GRM7: variants seen among roughly 807,000 people sequenced by gnomAD.
The protein encoded by GRM7 is metabotropic glutamate receptor 7.
GRM7 carries 35 observed loss-of-function variants against 84.5 expected under a neutral mutation model. The observed-to-expected ratio is 0.41, with a 90% CI of 0.32 to 0.55. The LOEUF (loss-of-function observed/expected upper bound fraction) is 0.55, where lower values mean the gene tolerates loss of function less well. Among genes scored for constraint, GRM7 ranks in the 20% least tolerant of loss-of-function variants. The pLI, the probability that GRM7 is intolerant of heterozygous loss-of-function variation, is 0.19. For missense variants in GRM7, 1,003 were observed against 1,194.6 expected (o/e 0.84, Z 2.36); for synonymous variants, 487 against 455.1 (o/e 1.07, Z -0.89).
intron 4 of GRM7, among the ~76,000 whole-genome samples, chr3:7,369,202 A>G (rs1348374081): frequency 6.6e-6 from 1 of 152,090 alleles, no homozygotes; most frequent in African/African-American, 2.4e-5. Flanking sequence ...CTACAGGTGC[A>G]TGCTACTACA....
intron 2 of GRM7, among the ~76,000 whole-genome samples, chr3:7,267,630 G>C (rs908423596): frequency 1.3e-5 from 2 of 152,156 alleles, no homozygotes; most frequent in African/African-American, 4.8e-5. Flanking sequence ...GCTTTCATCA[G>C]GTGCTGATGC....
intron 2 of GRM7, among the ~76,000 whole-genome samples, chr3:7,284,285 C>T (rs990617090): frequency 4.6e-5 from 6 of 131,052 alleles, no homozygotes; most frequent in African/African-American, 1.5e-4. Flanking sequence ...CATGCTCACT[C>T]GTGTGTGTGT....
chr3:7,739,754 A>T (rs1352861935), intron 9 of GRM7, among the ~76,000 whole-genome samples: 1 of 152,232 alleles, frequency 6.6e-6, no homozygotes, highest in Non-Finnish European at 1.5e-5. Flanking sequence ...ACATTTAGGG[A>T]AAACAAATGT....
At chr3:7,235,768 A>C (rs914091609) in intron 2 of GRM7, among the ~76,000 whole-genome samples, 5 of 152,354 alleles carry the variant, frequency 3.3e-5, no homozygotes, top group African/African-American at 1.2e-4. Context: ...TATAACATAC[A>C]TATAATTTTT....
chr3:7,419,242 T>C (rs1696297700), intron 5 of GRM7, among the ~76,000 whole-genome samples: 1 of 152,206 alleles, frequency 6.6e-6, no homozygotes. Flanking sequence ...TGCAATGTTA[T>C]GCTATGAGTG....
rs1189479029 is a variant in GRM7 at position 7,486,442 on chromosome 3, G to A, written c.1515+24720G>A. Among the ~76,000 whole-genome samples the A allele has an allele frequency of 6.6e-6, 1 of 152,152 alleles. No homozygotes were observed. Among genetic ancestry groups the A allele is most frequent in the East Asian group, 1.9e-4 (1 of 5,172 alleles). ...CAGTGTTGGGAGATGATACCATTGA[G>A]AGGCAATTGGGTCATAAAGCGTACT... On this transcript the variant is annotated intron_variant, in intron 7 of 9. Transcript: ENST00000357716. This position sits in a 1 kb window ranked among gnomAD's most constrained non-coding sequence, Gnocchi z 5.5.
chr3:7,433,937 C>A (rs1263976980), intron 5 of GRM7, among the ~76,000 whole-genome samples: 1 of 152,148 alleles, frequency 6.6e-6, no homozygotes, highest in Non-Finnish European at 1.5e-5. Flanking sequence ...AAATGGACAT[C>A]TTAATATTGG....
chr3:6,923,314 C>A (rs1364751927), intron 1 of GRM7, among the ~76,000 whole-genome samples: 2 of 114,092 alleles, frequency 1.8e-5, no homozygotes, highest in East Asian at 5.0e-4. Context: ...CACGCCCAGC[C>A]CACACGAACA....
intron 1 of GRM7, among the ~76,000 whole-genome samples, chr3:7,110,688 C>A (rs1193276229): frequency 6.6e-6 from 1 of 151,746 alleles, no homozygotes; most frequent in Non-Finnish European, 1.5e-5. Flanking sequence ...CATTTCCATT[C>A]ATAAAACTTT....
intron 1 of GRM7, among the ~76,000 whole-genome samples, chr3:6,872,072 G>A (rs374620906): frequency 3.9e-5 from 6 of 152,196 alleles, no homozygotes; most frequent in African/African-American, 1.4e-4. Context: ...GAAGAGTATG[G>A]AAAGAGACAT....
At chr3:7,529,996 G>A (rs2125002911) in intron 7 of GRM7, among the ~76,000 whole-genome samples, 1 of 151,340 alleles carries the variant, frequency 6.6e-6, no homozygotes, top group South Asian at 2.1e-4. Context: ...GAACGTGCAG[G>A]TTTGTGACAT....
intron 2 of GRM7, among the ~76,000 whole-genome samples, chr3:7,164,358 C>T (rs1694733737): frequency 6.6e-6 from 1 of 152,240 alleles, no homozygotes; most frequent in Admixed American, 6.5e-5. Flanking sequence ...GGCTCCCTCT[C>T]AAAAAAATTA....
chr3:7,202,575 C>T (rs921271159), intron 2 of GRM7, among the ~76,000 whole-genome samples: 1 of 152,120 alleles, frequency 6.6e-6, no homozygotes, highest in African/African-American at 2.4e-5. Context: ...AAGTGATCTG[C>T]CCACCTCAAC....
intron 5 of GRM7, among the ~76,000 whole-genome samples, chr3:7,437,309 G>T (rs919119272): frequency 6.6e-6 from 1 of 152,038 alleles, no homozygotes; most frequent in Non-Finnish European, 1.5e-5. Flanking sequence ...AAATGTTTTT[G>T]CACCCTCCTT....
At position 7,330,089 on chromosome 3, in the gene GRM7, A is replaced by G. The variant is rs926411459; in HGVS notation, c.1033+23437A>G. Reference sequence around the variant, plus strand: ...GTTACCCAATCACAGAGGTTGAGGCATGGGGTATCCACTTCAAAAGATAGA... The same window carrying G: ...GTTACCCAATCACAGAGGTTGAGGCGTGGGGTATCCACTTCAAAAGATAGA... On this transcript the variant is annotated intron_variant, in intron 4 of 9. Transcript: ENST00000357716. Among the ~76,000 whole-genome samples, 16 of 152,268 alleles carry G rather than the reference A, an allele frequency of 1.1e-4. 1 individual carries two copies. In the Middle Eastern group the frequency reaches 0.01, roughly 97 times the overall value.
chr3:6,864,677 A>C (rs1327105509), intron 1 of GRM7, among the ~76,000 whole-genome samples: 1 of 152,086 alleles, frequency 6.6e-6, no homozygotes, highest in Admixed American at 6.5e-5. Flanking sequence ...CGATCACTTG[A>C]GATATACGTT....
At chr3:6,998,637 G>GT (rs1046403833) in intron 1 of GRM7, among the ~76,000 whole-genome samples, 8 of 152,250 alleles carry the variant, frequency 5.3e-5, no homozygotes, top group African/African-American at 1.9e-4. Context: ...GCATCGAGGT[G>GT]TTTCCATACA....
At chr3:7,238,943 TCTTTTC>T (rs1262581953) in intron 2 of GRM7, among the ~76,000 whole-genome samples, 8 of 150,910 alleles carry the variant, frequency 5.3e-5, no homozygotes, top group African/African-American at 1.5e-4. Flanking sequence ...TTTGTTTTTC[TCTTTTC>T]CTTTTCCTTT....
intron 1 of GRM7, among the ~76,000 whole-genome samples, chr3:6,963,217 A>T (rs1368580966): frequency 6.6e-6 from 1 of 152,226 alleles, no homozygotes; most frequent in Admixed American, 6.5e-5. Context: ...GAAGTAAATT[A>T]TTTGCCAAAA....
Sources: gnomAD v4.1 joint callset for allele counts (sites outside exome capture counted in the v4.1 genomes callset) on GRCh38, gnomAD v4.1.1 for gene constraint, Gnocchi (gnomAD v3.1) non-coding constraint, MANE v1.5 for transcripts, NCBI Gene and HGNC (gene_info 2026-07-23, HGNC 2026-07-21) for gene names.